TMEM132D: variants seen among roughly 807,000 people sequenced by gnomAD.
The protein encoded by TMEM132D is mature OL transmembrane protein.
TMEM132D carries 21 observed loss-of-function variants against 62.3 expected under a neutral mutation model. The ratio of observed to expected loss-of-function variants is 0.34; its 90% CI spans 0.24 to 0.49. The LOEUF (loss-of-function observed/expected upper bound fraction) is 0.49, where lower values mean the gene tolerates loss of function less well. TMEM132D is among the 20% of genes least tolerant of loss of function. TMEM132D has a pLI of 0.99. For missense variants in TMEM132D, 1,346 were observed against 1,402.8 expected, an observed-to-expected ratio of 0.96 and a Z score of 0.65; for synonymous variants, 621 against 575.6, an observed-to-expected ratio of 1.08 and a Z score of -1.13.
At chr12:129,172,034 TC>T (rs1877750467) in intron 5 of TMEM132D, among the ~76,000 whole-genome samples, 1 of 152,246 alleles carries the variant, frequency 6.6e-6, no homozygotes, top group African/African-American at 2.4e-5. Flanking sequence ...ACATCTTCTT[TC>T]CCTGGAAGGT....
intron 2 of TMEM132D, among the ~76,000 whole-genome samples, chr12:129,586,036 T>C (rs1878022104): frequency 6.6e-6 from 1 of 151,808 alleles, no homozygotes; most frequent in Non-Finnish European, 1.5e-5. Flanking sequence ...AGACAAATAG[T>C]TCTTTGGAAT....
At chr12:129,646,604 T>C (rs983464115) in intron 2 of TMEM132D, among the ~76,000 whole-genome samples, 3 of 152,114 alleles carry the variant, frequency 2.0e-5, no homozygotes, top group African/African-American at 7.2e-5. Context: ...CTCTGGACTC[T>C]CTCTCTCCAC....
chr12:129,788,977 G>A (rs1451901), intron 1 of TMEM132D, among the ~76,000 whole-genome samples: 16,195 of 152,186 alleles, frequency 0.11, 1,165 homozygotes, highest in East Asian at 0.2. Flanking sequence ...GAACAGCAGC[G>A]CATGTGCTGA....
At chr12:129,501,698 G>T (rs1256240612) in intron 3 of TMEM132D, among the ~76,000 whole-genome samples, 1 of 151,878 alleles carries the variant, frequency 6.6e-6, no homozygotes, top group Non-Finnish European at 1.5e-5. Flanking sequence ...TAGAGATGGG[G>T]TTTTACCATG....
At chr12:129,507,762 A>T (rs1875379659) in intron 3 of TMEM132D, among the ~76,000 whole-genome samples, 1 of 152,190 alleles carries the variant, frequency 6.6e-6, no homozygotes, top group Non-Finnish European at 1.5e-5. Context: ...TGCAGTGTAT[A>T]CTGCTCGGTT....
intron 1 of TMEM132D, among the ~76,000 whole-genome samples, chr12:129,714,487 T>C (rs1868490667): frequency 6.6e-6 from 1 of 152,074 alleles, no homozygotes; most frequent in African/African-American, 2.4e-5. Context: ...TGGGGAGGTG[T>C]TGGTCAAACA....
In TMEM132D at chr12:129,073,908, G is replaced by A. The variant is rs2135601274; in HGVS notation, c.3267C>T (p.His1089=). The change falls in exon 9 of 9, where the codon CAC becomes CAT. Residue 1089 remains histidine (H), a synonymous_variant. Coordinates refer to ENST00000422113, the MANE Select transcript of TMEM132D (RefSeq NM_133448.3). ...TTTCATGTAACCTCTCCATGTAGTTGTGCAGCTCTTTGCAGTCCCCAGGGT... is the reference window on the plus strand; with the variant it reads ...TTTCATGTAACCTCTCCATGTAGTTATGCAGCTCTTTGCAGTCCCCAGGGT... ...DLDPGDCKEL[H]NYMERLHENV The A allele has an allele frequency of 6.4e-7, 1 of 1,566,682 alleles. No individual in the cohort carries two copies. The highest frequency in any genetic ancestry group is 8.6e-7 in the Non-Finnish European group (1 of 1,158,116).
chr12:129,109,142 G>A (rs1272147678), intron 5 of TMEM132D, among the ~76,000 whole-genome samples: 1 of 152,218 alleles, frequency 6.6e-6, no homozygotes, highest in Non-Finnish European at 1.5e-5. Context: ...AGCGTTAGAA[G>A]ACACCAATAG....
chr12:129,652,899 G>A (rs944584391), intron 2 of TMEM132D, among the ~76,000 whole-genome samples: 7 of 152,170 alleles, frequency 4.6e-5, no homozygotes, highest in Non-Finnish European at 8.8e-5. Flanking sequence ...CTGTTCACAT[G>A]GTCTCTGCCT....
rs183396545 is a variant in TMEM132D at position 129,447,961 on chromosome 12, T to G, written c.1115+83098A>C. On this transcript the variant is annotated intron_variant, in intron 3 of 8. Transcript: ENST00000422113. ...AGTGAGTGCTTGACAACAAGAATTATGTCTTATTTATCTATATCTTCAGGA... is the reference window on the plus strand; with the variant it reads ...AGTGAGTGCTTGACAACAAGAATTAGGTCTTATTTATCTATATCTTCAGGA... Among the ~76,000 whole-genome samples, 84 of 152,314 alleles carry G rather than the reference T, an allele frequency of 5.5e-4. 1 individual carries two copies. The highest frequency in any genetic ancestry group is 2.0e-3 in the African/African-American group (82 of 41,566).
chr12:129,694,733 G>C (rs767696822), intron 2 of TMEM132D, among the ~76,000 whole-genome samples: 2 of 152,200 alleles, frequency 1.3e-5, no homozygotes, highest in Non-Finnish European at 2.9e-5. Context: ...TCTGGGCCGG[G>C]CACAGTGGCT....
chr12:129,112,340 C>T lies in TMEM132D; in HGVS notation c.1444-27638G>A, dbSNP rs1413615442. Among the ~76,000 whole-genome samples, 10 of 152,190 alleles carry T rather than the reference C, an allele frequency of 6.6e-5. No individual in the cohort carries two copies. In the East Asian group the frequency reaches 1.9e-3, roughly 29 times the overall value. ...GCTGTCCAAGGTAGTAGCTGCTAGT[C>T]ACATGTGGCTCTATAATTTCAAATT... On this transcript the variant is annotated intron_variant, in intron 5 of 8. Coordinates refer to ENST00000422113, the MANE Select transcript of TMEM132D (RefSeq NM_133448.3).
At chr12:129,804,479 A>C (rs1871906131) in intron 1 of TMEM132D, among the ~76,000 whole-genome samples, 2 of 150,688 alleles carry the variant, frequency 1.3e-5, no homozygotes, top group Non-Finnish European at 2.9e-5. Context: ...GGCGTTTGAC[A>C]AAATTCAACA....
chr12:129,785,461 C>T (rs79072576), intron 1 of TMEM132D, among the ~76,000 whole-genome samples: 13,352 of 152,226 alleles, frequency 0.088, 730 homozygotes, highest in East Asian at 0.23. Context: ...GATCACGTAG[C>T]GCACAGTACA....
At chr12:129,315,053 T>G (rs1868438534) in intron 4 of TMEM132D, among the ~76,000 whole-genome samples, 1 of 152,152 alleles carries the variant, frequency 6.6e-6, no homozygotes, top group Non-Finnish European at 1.5e-5. Context: ...GGAGGAGTAC[T>G]TAGGGTTTTT....
At chr12:129,805,485 C>T (rs1871949835) in intron 1 of TMEM132D, among the ~76,000 whole-genome samples, 1 of 152,068 alleles carries the variant, frequency 6.6e-6, no homozygotes, top group Non-Finnish European at 1.5e-5. Flanking sequence ...AACCTGCTAG[C>T]CATATGTAGA....
At chr12:129,438,770 T>C (rs931615589) in intron 3 of TMEM132D, among the ~76,000 whole-genome samples, 17 of 152,186 alleles carry the variant, frequency 1.1e-4, no homozygotes, top group African/African-American at 3.1e-4. Context: ...GTACATGGGA[T>C]AGCTCAGTGA....
At chr12:129,294,764 G>A (rs1245910302) in intron 4 of TMEM132D, among the ~76,000 whole-genome samples, 2 of 152,136 alleles carry the variant, frequency 1.3e-5, no homozygotes, top group Admixed American at 6.5e-5. Flanking sequence ...TCACCCCCCT[G>A]CAGGCAGTTA....
At chr12:129,766,325 G>C (rs1208769384) in intron 1 of TMEM132D, among the ~76,000 whole-genome samples, 1 of 152,136 alleles carries the variant, frequency 6.6e-6, no homozygotes, top group Non-Finnish European at 1.5e-5. Flanking sequence ...CTTTTCAGGA[G>C]AATTCTATGT....
Sources: allele counts gnomAD v4.1 joint callset (sites outside exome capture counted in the v4.1 genomes callset), GRCh38; gene constraint gnomAD v4.1.1; transcripts MANE v1.5; gene names NCBI Gene and HGNC (gene_info 2026-07-23, HGNC 2026-07-21).